The following ABCF1 variants were observed in gnomAD, a reference collection of about 807,000 sequenced individuals.
ABCF1 encodes the protein ATP-binding cassette sub-family F member 1.
A neutral mutation model predicts 126.3 loss-of-function variants in ABCF1; 73 were observed. The observed-to-expected ratio is 0.58, with a 90% confidence interval of 0.48 to 0.70. The LOEUF (loss-of-function observed/expected upper bound fraction) is 0.70. ABCF1 is among the 30% of genes least tolerant of loss of function. The pLI, the probability that ABCF1 is intolerant of heterozygous loss-of-function variation, is 0.00. For missense variants in ABCF1, 786 were observed against 1,057.5 expected (o/e 0.74, Z 3.56); for synonymous variants, 345 against 396.4 (o/e 0.87, Z 1.54).
chr6:30,585,655 C>T lies in ABCF1; in HGVS notation c.1573C>T (p.Arg525Trp), dbSNP rs1245012407. Residue 525 changes from arginine (R) to tryptophan (W), a missense_variant, in exon 16 of 25, where the codon CGG (arginine) becomes TGG (tryptophan). Arg to Trp is a moderately radical substitution (Grantham distance 101). This residue lies in a region of ABCF1 where 288 missense variants were observed against 423.5 expected (regional missense o/e 0.68). Coordinates refer to ENST00000326195, the MANE Select transcript of ABCF1 (RefSeq NM_001025091.2). ...TGATATCATCCACCTCGATGCCCAG[C>T]GGCTCCACTACTATAGGGGCAATTA... is the stretch of plus-strand genomic sequence containing the variant. ...CTDIIHLDAQ[R>W]LHYYRGNYMT... 1.2e-6 allele frequency: 2 copies of T among 1,613,000 alleles called. No homozygotes were observed. Among genetic ancestry groups the T allele is most frequent in the Admixed American group, 1.7e-5 (1 of 60,008 alleles).
intron 23 of ABCF1, 34 bp downstream of exon 23, chr6:30,590,247 G>C (rs766717302): frequency 2.5e-6 from 4 of 1,612,974 alleles, no homozygotes; most frequent in Middle Eastern, 1.6e-4. Context: ...AAGGGATAAG[G>C]GTAACAGTAA....
chr6:30,580,107 G>A, intron 7 of ABCF1, 102 bp downstream of exon 7: 3 of 1,191,156 alleles, frequency 2.5e-6, no homozygotes, highest in Admixed American at 4.4e-5. Flanking sequence ...AGCACTTTGG[G>A]AGGCCGAGGT....
Position 30,590,758 on chromosome 6 carries a change from G to T in ABCF1, c.*57G>T. 6.5e-7 allele frequency: 1 copy of T among 1,537,026 alleles called. No individual in the cohort carries two copies. The highest frequency in any genetic ancestry group is 2.0e-5 in the Admixed American group (1 of 50,178). On this transcript the variant is annotated 3_prime_UTR_variant, in exon 25 of 25. Transcript: ENST00000326195. ...TATTTGTGTGGCCTAGAAGTCCTCTGTGGTCTCCCCTCCTCTGAAGACTGC... is the reference window on the plus strand; with the variant it reads ...TATTTGTGTGGCCTAGAAGTCCTCTTTGGTCTCCCCTCCTCTGAAGACTGC...
chr6:30,586,337 G>A lies in ABCF1; in HGVS notation c.1885+32G>A. The stretch of plus-strand genomic sequence containing the variant: ...GCCGCGGGCCTCTGCTGCTCCACAG[G>A]AAGCACCGGAAGCATGTATGTGCAC... On this transcript the variant is annotated intron_variant, in intron 18 of 24. Transcript: ENST00000326195. The surrounding 1 kb of genome is among the most constrained non-coding windows in gnomAD (Gnocchi z 4.9). 1 of 1,598,020 alleles carries A rather than the reference G, an allele frequency of 6.3e-7. No homozygotes were observed. Among genetic ancestry groups the A allele is most frequent in the African/African-American group, 1.3e-5 (1 of 74,394 alleles).
At chr6:30,585,835 G>A in intron 16 of ABCF1, 44 bp from the exon 17 acceptor site, 1 of 1,568,366 alleles carries the variant, frequency 6.4e-7, no homozygotes, top group East Asian at 2.3e-5. Context: ...CCTTTGCTGG[G>A]AAGAGGAGCA....
chr6:30,582,392 A>G lies in ABCF1; in HGVS notation c.679-2A>G, dbSNP rs1213736730. On this transcript the variant is annotated splice_acceptor_variant, in intron 8 of 24. Coordinates refer to ENST00000326195, the MANE Select transcript of ABCF1 (RefSeq NM_001025091.2). LOFTEE classifies it high-confidence loss of function. ...GTTTTGACCATCCCCGGGTTCTCAC[A>G]GGGTTCAGAGGAAGAAGGAGAAGGG... is the stretch of plus-strand genomic sequence containing the variant. The G allele has an allele frequency of 1.3e-6, 2 of 1,589,012 alleles. No homozygotes were observed. Among genetic ancestry groups the G allele is most frequent in the Non-Finnish European group, 1.7e-6 (2 of 1,160,166 alleles).
chr6:30,573,846 G>A (rs1165748148), intron 1 of ABCF1, among the ~76,000 whole-genome samples: 3 of 152,198 alleles, frequency 2.0e-5, no homozygotes, highest in Admixed American at 1.3e-4. Flanking sequence ...TCAAAGGTAT[G>A]GGAGAAGAGA....
Position 30,583,334 on chromosome 6 carries a change from C to A in ABCF1, c.915+146C>A. On this transcript the variant is annotated intron_variant, in intron 10 of 24. Transcript: ENST00000326195. This position sits in a 1 kb window ranked among gnomAD's most constrained non-coding sequence, Gnocchi z 4.1. Reference sequence around the variant, plus strand: ...TTTTCCACACCTTAGGTTCTGCCAACTTGAGCAAGAAGATAGAAAAACCAG... The same window carrying A: ...TTTTCCACACCTTAGGTTCTGCCAAATTGAGCAAGAAGATAGAAAAACCAG... 1 of 1,228,390 alleles carries A rather than the reference C, an allele frequency of 8.1e-7. No homozygotes were observed. Among genetic ancestry groups the A allele is most frequent in the Non-Finnish European group, 1.1e-6 (1 of 890,042 alleles). The allele number at this position is 1,228,390 out of a possible 1,614,324, so 76.1% of individuals were successfully genotyped here.
At chr6:30,585,504 A>C (rs1802068116) in intron 15 of ABCF1, 54 bp from the exon 16 acceptor site, 2 of 1,609,990 alleles carry the variant, frequency 1.2e-6, no homozygotes, top group African/African-American at 2.7e-5. Context: ...GCTTCCTCTG[A>C]ATTCTCTCTC....
In ABCF1 at chr6:30,583,122, C is replaced by T. The variant is rs745660085; in HGVS notation, c.849C>T (p.Asp283=). 1 of 1,611,868 alleles carries T rather than the reference C, an allele frequency of 6.2e-7. No individual in the cohort carries two copies. The highest frequency in any genetic ancestry group is 1.1e-5 in the South Asian group (1 of 91,070). Residue 283 remains aspartate (D), a synonymous_variant, in exon 10 of 25, where the codon GAC becomes GAT. Coordinates refer to ENST00000326195, the MANE Select transcript of ABCF1 (RefSeq NM_001025091.2). The surrounding 1 kb of genome is among the most constrained non-coding windows in gnomAD (Gnocchi z 4.1). ...SLKAANAAEN[D]FSVSQAEMSS... is the part of the protein sequence containing the mutation. ...AAGCAGCCAATGCAGCTGAAAATGACTTCTCCGTGTCCCAGGCGGAGATGT... is the reference window on the plus strand; with the variant it reads ...AAGCAGCCAATGCAGCTGAAAATGATTTCTCCGTGTCCCAGGCGGAGATGT...
In ABCF1 at chr6:30,583,367, G is replaced by T. The variant is rs1801930364; in HGVS notation, c.915+179G>T. ...AGAAGATAGAAAAACCAGTAGAAGT[G>T]GGGTCCACCCTTGGCAGAAAATAGT... On this transcript the variant is annotated intron_variant, in intron 10 of 24. Coordinates refer to ENST00000326195, the MANE Select transcript of ABCF1 (RefSeq NM_001025091.2). This position sits in a 1 kb window ranked among gnomAD's most constrained non-coding sequence, Gnocchi z 4.1. 6.6e-6 allele frequency among the ~76,000 whole-genome samples: 1 copy of T among 152,122 alleles called. No individual in the cohort carries two copies. The highest frequency in any genetic ancestry group is 1.5e-5 in the Non-Finnish European group (1 of 68,046).
chr6:30,584,605 G>A lies in ABCF1; in HGVS notation c.1391+39G>A. ...CTCACTGCCCTCCCTTCCAGCCTCA[G>A]ACCACCGGGGCCCTTTTCCTCTTTC... is the stretch of plus-strand genomic sequence containing the variant. On this transcript the variant is annotated intron_variant, in intron 14 of 24. Transcript: ENST00000326195. This position sits in a 1 kb window ranked among gnomAD's most constrained non-coding sequence, Gnocchi z 4.6. 6.5e-7 allele frequency: 1 copy of A among 1,548,076 alleles called. No individual in the cohort carries two copies. Among genetic ancestry groups the A allele is most frequent in the Non-Finnish European group, 8.7e-7 (1 of 1,151,402 alleles).
intron 1 of ABCF1, among the ~76,000 whole-genome samples, chr6:30,576,658 C>A (rs987792526): frequency 1.3e-5 from 2 of 152,090 alleles, no homozygotes; most frequent in African/African-American, 4.8e-5. Context: ...GTCACCACCA[C>A]CCAGACTACT....
chr6:30,580,175 C>T lies in ABCF1; in HGVS notation c.564+170C>T, dbSNP rs552223658. Among the ~76,000 whole-genome samples, 185 of 152,016 alleles carry T rather than the reference C, an allele frequency of 1.2e-3. 4 individuals are homozygous for T. The highest frequency in any genetic ancestry group is 4.0e-3 in the African/African-American group (166 of 41,500). Reference sequence around the variant, plus strand: ...TCCTGGTAACACGGTAAAACCCCGTCTCTACTAAAAATACAAAAAAAATTA... The same window carrying T: ...TCCTGGTAACACGGTAAAACCCCGTTTCTACTAAAAATACAAAAAAAATTA... On this transcript the variant is annotated intron_variant, in intron 7 of 24. Coordinates refer to ENST00000326195, the MANE Select transcript of ABCF1 (RefSeq NM_001025091.2).
intron 2 of ABCF1, 98 bp downstream of exon 2, chr6:30,577,553 A>G: frequency 1.4e-6 from 2 of 1,429,736 alleles, no homozygotes; most frequent in African/African-American, 1.4e-5. Flanking sequence ...GGGAGGAGAA[A>G]AGATCTTGTC....
Position 30,586,808 on chromosome 6 carries a change from G to A in ABCF1, c.2031+97G>A. Reference sequence around the variant, plus strand: ...TCAGGGAGCCTCTCGAGAATGTAGAGTTAAATACAGAACTCATGATAGATG... The same window carrying A: ...TCAGGGAGCCTCTCGAGAATGTAGAATTAAATACAGAACTCATGATAGATG... On this transcript the variant is annotated intron_variant, in intron 20 of 24. Transcript: ENST00000326195. This position sits in a 1 kb window ranked among gnomAD's most constrained non-coding sequence, Gnocchi z 4.9. 1 of 1,298,784 alleles carries A rather than the reference G, an allele frequency of 7.7e-7. No individual in the cohort carries two copies. The highest frequency in any genetic ancestry group is 1.1e-6 in the Non-Finnish European group (1 of 918,424). The allele number at this position is 1,298,784 out of a possible 1,614,324, so 80.5% of individuals were successfully genotyped here.
At chr6:30,573,309 A>G (rs1801348008) in intron 1 of ABCF1, among the ~76,000 whole-genome samples, 1 of 152,234 alleles carries the variant, frequency 6.6e-6, no homozygotes, top group Non-Finnish European at 1.5e-5. Flanking sequence ...GCAGTAATGG[A>G]CAGGAGAGTA....
chr6:30,586,315 G>A lies in ABCF1; in HGVS notation c.1885+10G>A, dbSNP rs781772865. 1.0e-5 allele frequency: 16 copies of A among 1,600,988 alleles called. No individual in the cohort carries two copies. The highest frequency in any genetic ancestry group is 6.9e-5 in the Admixed American group (4 of 57,662). On this transcript the variant is annotated intron_variant, in intron 18 of 24. Transcript: ENST00000326195. The surrounding 1 kb of genome is among the most constrained non-coding windows in gnomAD (Gnocchi z 4.9). ...GTGCTGGGTCTGCATGGTGAGTGCC[G>A]CGGGCCTCTGCTGCTCCACAGGAAG...
At chr6:30,579,663 G>T (rs1483226852) in intron 6 of ABCF1, among the ~76,000 whole-genome samples, 1 of 151,804 alleles carries the variant, frequency 6.6e-6, no homozygotes, top group Non-Finnish European at 1.5e-5. Flanking sequence ...TCACCATGTT[G>T]ACCAGGATGG....
Sources: allele counts gnomAD v4.1 joint callset (sites outside exome capture counted in the v4.1 genomes callset), GRCh38; gene constraint gnomAD v4.1.1; regional missense constraint gnomAD v4.1.1; non-coding constraint Gnocchi (gnomAD v3.1); transcripts MANE v1.5; gene names NCBI Gene and HGNC (gene_info 2026-07-23, HGNC 2026-07-21).